FAM174B: variants seen among roughly 807,000 people sequenced by gnomAD.
FAM174B encodes the protein membrane protein FAM174B.
Under a neutral mutation model 10.9 loss-of-function variants are expected in FAM174B, and 12 were observed. That is an observed-to-expected ratio of 1.10 (90% CI 0.71 to 1.79). The LOEUF is 1.79. Ranked by LOEUF, FAM174B falls within the 40% of genes most tolerant of loss-of-function variation. The pLI is 0.00. For synonymous variants in FAM174B, 132 were observed against 115.8 expected (o/e 1.14, Z -0.90); for missense variants, 266 against 233.3 (o/e 1.14, Z -0.91).
At chr15:92,629,715 C>T (rs560407411) in intron 2 of FAM174B, among the ~76,000 whole-genome samples, 1 of 152,178 alleles carries the variant, frequency 6.6e-6, no homozygotes, top group Non-Finnish European at 1.5e-5. Flanking sequence ...TATGGTTTGG[C>T]TGTGTCTCCA....
chr15:92,642,055 A>G (rs552216377), intron 1 of FAM174B, among the ~76,000 whole-genome samples: 1 of 152,362 alleles, frequency 6.6e-6, no homozygotes, highest in South Asian at 2.1e-4. Context: ...ACAATACACG[A>G]AGGCAAACAA....
chr15:92,620,282 AG>A, intron 2 of FAM174B, among the ~76,000 whole-genome samples: 1 of 152,284 alleles, frequency 6.6e-6, no homozygotes, highest in Admixed American at 6.5e-5. Context: ...ATGGATCACA[AG>A]GTCAGGAGAT....
intron 1 of FAM174B, among the ~76,000 whole-genome samples, chr15:92,646,937 A>G (rs1417460715): frequency 6.6e-6 from 1 of 152,096 alleles, no homozygotes; most frequent in Non-Finnish European, 1.5e-5. Flanking sequence ...ACTAAGCTGT[A>G]CCCCAACCAC....
chr15:92,631,355 T>A lies in FAM174B; in HGVS notation c.345-1010A>T, dbSNP rs1448131375. On this transcript the variant is annotated intron_variant, in intron 1 of 2. Coordinates refer to ENST00000327355, the MANE Select transcript of FAM174B (RefSeq NM_207446.3). Reference sequence around the variant, plus strand: ...TATATTATATATTATATATAATATATTATATATTATATTATATATAATATA... The same window carrying A: ...TATATTATATATTATATATAATATAATATATATTATATTATATATAATATA... Among the ~76,000 whole-genome samples, 3 of 13,036 alleles carry A rather than the reference T, an allele frequency of 2.3e-4. 1 individual carries two copies. The highest frequency in any genetic ancestry group is 1.4e-3 in the African/African-American group (3 of 2,166). The allele number at this position is 13,036 out of a possible 152,430, so 8.6% of individuals were successfully genotyped here. A position where few individuals can be genotyped will look rare whatever the true frequency, so the allele number is the denominator to read the frequency against.
At chr15:92,623,791 G>A (rs575547798) in intron 2 of FAM174B, among the ~76,000 whole-genome samples, 1 of 152,300 alleles carries the variant, frequency 6.6e-6, no homozygotes, top group Non-Finnish European at 1.5e-5. Context: ...AGAGAAACGT[G>A]TGGACACCAC....
In FAM174B at chr15:92,655,510, C is replaced by G; in HGVS notation, c.150G>C (p.Gly50=). ...ERESRPPPGP[G]PGNTTRFGSG... Reference sequence around the variant, plus strand: ...ACCCAAACCGGGTGGTGTTCCCGGGCCCCGGGCCGGGCGGTGGCCGCGACT... The same window carrying G: ...ACCCAAACCGGGTGGTGTTCCCGGGGCCCGGGCCGGGCGGTGGCCGCGACT... The change falls in exon 1 of 3, where the codon GGG becomes GGC. Residue 50 remains glycine, a synonymous_variant. Coordinates refer to ENST00000327355, the MANE Select transcript of FAM174B (RefSeq NM_207446.3). The G allele has an allele frequency of 2.7e-6, 4 of 1,503,194 alleles. No individual in the cohort carries two copies. Among genetic ancestry groups the G allele is most frequent in the Non-Finnish European group, 3.6e-6 (4 of 1,126,668 alleles). The allele number at this position is 1,503,194 out of a possible 1,614,324, so 93.1% of individuals were successfully genotyped here. A position where few individuals can be genotyped will look rare whatever the true frequency, so the allele number is the denominator to read the frequency against.
At chr15:92,654,396 C>T (rs1193171430) in intron 1 of FAM174B, among the ~76,000 whole-genome samples, 1 of 152,176 alleles carries the variant, frequency 6.6e-6, no homozygotes, top group East Asian at 1.9e-4. Context: ...AGTAACAGGA[C>T]AGGTTTGGTT....
chr15:92,633,171 G>C (rs2050830683), intron 1 of FAM174B, among the ~76,000 whole-genome samples: 1 of 152,140 alleles, frequency 6.6e-6, no homozygotes, highest in Non-Finnish European at 1.5e-5. Flanking sequence ...CATTCTTCTT[G>C]CTGACCATAC....
intron 1 of FAM174B, among the ~76,000 whole-genome samples, chr15:92,639,708 G>A (rs1266459702): frequency 1.3e-5 from 2 of 152,064 alleles, no homozygotes; most frequent in Non-Finnish European, 2.9e-5. Flanking sequence ...GATAGTGAGT[G>A]GGTGAGTGCC....
At chr15:92,626,610 TGG>T (rs1248048584) in intron 2 of FAM174B, among the ~76,000 whole-genome samples, 3 of 152,038 alleles carry the variant, frequency 2.0e-5, no homozygotes, top group African/African-American at 7.3e-5. Context: ...GACTGGTCAG[TGG>T]GACAAAGGGG....
chr15:92,649,316 G>A (rs899930252), intron 1 of FAM174B, among the ~76,000 whole-genome samples: 9 of 152,174 alleles, frequency 5.9e-5, no homozygotes, highest in Admixed American at 1.3e-4. Context: ...GTCATGAGGC[G>A]CCTCCTTCAT....
chr15:92,636,369 G>A lies in FAM174B; in HGVS notation c.345-6024C>T, dbSNP rs145161459. Among the ~76,000 whole-genome samples, 94 of 152,244 alleles carry A rather than the reference G, an allele frequency of 6.2e-4. 1 individual carries two copies. Among genetic ancestry groups the A allele is most frequent in the African/African-American group, 2.0e-3 (84 of 41,550 alleles). On this transcript the variant is annotated intron_variant, in intron 1 of 2. Coordinates refer to ENST00000327355, the MANE Select transcript of FAM174B (RefSeq NM_207446.3). ...TTAACTTTTCCTGGGTGCCAGCTAA[G>A]CGATTTAAATTTGTGATCAAATGTA...
intron 1 of FAM174B, among the ~76,000 whole-genome samples, chr15:92,638,034 G>C (rs2141958714): frequency 6.6e-6 from 1 of 152,290 alleles, no homozygotes; most frequent in Admixed American, 6.5e-5. Flanking sequence ...AGACCAGCTA[G>C]CACTCCCCAT....
rs34612384 is a variant in FAM174B, at chr15:92,630,273, C to T, written c.417G>A (p.Ala139=). 1.5e-3 allele frequency: 2,385 copies of T among 1,613,686 alleles called. 20 individuals are homozygous for T. In the African/African-American group the frequency reaches 0.029, roughly 20 times the overall value. The change falls in exon 2 of 3, where the codon GCG becomes GCA. Residue 139 remains alanine, a synonymous_variant. Coordinates refer to ENST00000327355, the MANE Select transcript of FAM174B (RefSeq NM_207446.3). ...CTTCATCATCCTCTTCATTTAGTGG[C>T]GCCATTTCCACTCGCTCTGCTGGAG... ...ITTPAERVEM[A]PLNEEDDEDE...
intron 1 of FAM174B, among the ~76,000 whole-genome samples, chr15:92,653,550 C>A (rs968661797): frequency 4.6e-5 from 7 of 152,366 alleles, no homozygotes; most frequent in African/African-American, 9.6e-5. Flanking sequence ...CCGCATCGGG[C>A]ATGGAGACAC....
chr15:92,653,711 G>A (rs1344384072), intron 1 of FAM174B, among the ~76,000 whole-genome samples: 2 of 152,270 alleles, frequency 1.3e-5, no homozygotes, highest in East Asian at 3.8e-4. Flanking sequence ...ACTATACAGA[G>A]GAAGGAGGAT....
chr15:92,626,701 G>A (rs1464449566), intron 2 of FAM174B, among the ~76,000 whole-genome samples: 1 of 152,094 alleles, frequency 6.6e-6, no homozygotes, highest in Non-Finnish European at 1.5e-5. Flanking sequence ...CTAGAATAGG[G>A]GCAGAGGAGA....
chr15:92,655,621 C>T lies in FAM174B; in HGVS notation c.39G>A (p.Leu13=). The T allele has an allele frequency of 7.9e-7, 1 of 1,266,098 alleles. No homozygotes were observed. The highest frequency in any genetic ancestry group is 9.9e-7 in the Non-Finnish European group (1 of 1,009,792). The allele number at this position is 1,266,098 out of a possible 1,614,324, so 78.4% of individuals were successfully genotyped here. The change falls in exon 1 of 3, where the codon CTG becomes CTA. Residue 13 remains leucine, a synonymous_variant. Coordinates refer to ENST00000327355, the MANE Select transcript of FAM174B (RefSeq NM_207446.3). ...AVPLPAPLLP[L]LLLALLAAPA... ...GAGCGGCCAGGAGCGCGAGCAGCAG[C>T]AGCGGCAGGAGCGGGGCGGGCAGCG... is the stretch of plus-strand genomic sequence containing the variant.
At chr15:92,622,947 G>T (rs2050729290) in intron 2 of FAM174B, among the ~76,000 whole-genome samples, 1 of 152,110 alleles carries the variant, frequency 6.6e-6, no homozygotes, top group South Asian at 2.1e-4. Context: ...CTTGAGGTCA[G>T]GAGTTCGAGA....
Sources: gnomAD v4.1 joint callset for allele counts (sites outside exome capture counted in the v4.1 genomes callset) on GRCh38, gnomAD v4.1.1 for gene constraint, MANE v1.5 for transcripts, NCBI Gene and HGNC (gene_info 2026-07-23, HGNC 2026-07-21) for gene names.